EXOC6: variants seen among roughly 807,000 people sequenced by gnomAD.
EXOC6 encodes exocyst complex component 6, also known as SEC15-like 1.
In EXOC6, 60 loss-of-function variants were observed where a neutral mutation model predicts 112.5. The ratio of observed to expected loss-of-function variants is 0.53; its 90% CI spans 0.43 to 0.66. EXOC6 has a LOEUF of 0.66. Ranked by LOEUF, EXOC6 falls within the 30% of genes least tolerant of loss-of-function variation. The pLI is 0.00. For synonymous variants in EXOC6, 295 were observed against 308.0 expected (o/e 0.96, Z 0.44); for missense variants, 855 against 957.1 (o/e 0.89, Z 1.41).
At chr10:92,851,192 G>A (rs927262034) in intron 1 of EXOC6, among the ~76,000 whole-genome samples, 5 of 152,170 alleles carry the variant, frequency 3.3e-5, no homozygotes, top group African/African-American at 4.8e-5. Flanking sequence ...GAAAAGAGGA[G>A]CAAATGAAAT....
At chr10:92,940,641 C>T in intron 12 of EXOC6, 86 bp from the exon 13 acceptor site, 1 of 837,468 alleles carries the variant, frequency 1.2e-6, no homozygotes, top group Non-Finnish European at 1.9e-6. Context: ...GTGATTCCTT[C>T]CAAATGATTC....
At chr10:92,883,001 T>C (rs1243985282) in intron 1 of EXOC6, among the ~76,000 whole-genome samples, 1 of 152,228 alleles carries the variant, frequency 6.6e-6, no homozygotes, top group African/African-American at 2.4e-5. Flanking sequence ...CTGATAACTT[T>C]ATCTGGGCAA....
At position 92,914,085 on chromosome 10, in the gene EXOC6, A is replaced by G. The variant is rs183176080; in HGVS notation, c.664-1673A>G. Among the ~76,000 whole-genome samples, 19 of 152,288 alleles carry G rather than the reference A, an allele frequency of 1.2e-4. No individual in the cohort carries two copies. The East Asian group carries it at 3.7e-3, about 29-fold the overall frequency. On this transcript the variant is annotated intron_variant, in intron 6 of 21. Transcript: ENST00000260762. ...TGGTACCTGTCTGTGGCCTTTAGGA[A>G]CCAGGCCACACAGCAGGAGGTGAGT...
intron 1 of EXOC6, among the ~76,000 whole-genome samples, chr10:92,862,181 T>C (rs1446849967): frequency 6.6e-6 from 1 of 152,200 alleles, no homozygotes; most frequent in Admixed American, 6.5e-5. Flanking sequence ...GCAACCAGTT[T>C]TCTGCTTTCT....
At chr10:92,831,321 A>G (rs1297635347), upstream of EXOC6, 1 of 1,288,882 alleles carries the variant, frequency 7.8e-7, no homozygotes, top group Non-Finnish European at 1.0e-6. Context: ...AAGAGGATGA[A>G]TGTGCTGTGT....
chr10:93,035,545 A>G (rs1845476654), intron 20 of EXOC6, among the ~76,000 whole-genome samples: 1 of 152,198 alleles, frequency 6.6e-6, no homozygotes, highest in Non-Finnish European at 1.5e-5. Context: ...TTACATAGCT[A>G]TAGTATTTGT....
At chr10:93,012,190 T>G (rs1347574675) in intron 19 of EXOC6, among the ~76,000 whole-genome samples, 3 of 152,186 alleles carry the variant, frequency 2.0e-5, no homozygotes, top group Non-Finnish European at 4.4e-5. Context: ...GCTCTTACTT[T>G]AGACATAATT....
intron 20 of EXOC6, among the ~76,000 whole-genome samples, chr10:93,017,015 C>G (rs974836010): frequency 6.6e-6 from 1 of 151,816 alleles, no homozygotes; most frequent in Non-Finnish European, 1.5e-5. Context: ...GGGGTTTCGC[C>G]GGGTTGGCCA....
intron 20 of EXOC6, among the ~76,000 whole-genome samples, chr10:93,037,201 GGT>G (rs1257826719): frequency 6.7e-6 from 1 of 149,152 alleles, no homozygotes; most frequent in African/African-American, 2.5e-5. Flanking sequence ...GGAGTGCAGT[GGT>G]GTGATCATGG....
intron 12 of EXOC6, among the ~76,000 whole-genome samples, chr10:92,936,960 A>C (rs927786914): frequency 6.6e-6 from 1 of 152,214 alleles, no homozygotes; most frequent in African/African-American, 2.4e-5. Context: ...TGGGAGTAAT[A>C]TCATCCTATT....
At chr10:92,898,631 C>T (rs1849968809) in intron 4 of EXOC6, among the ~76,000 whole-genome samples, 2 of 152,030 alleles carry the variant, frequency 1.3e-5, no homozygotes, top group Admixed American at 1.3e-4. Flanking sequence ...TGTGTTCCCT[C>T]TAATGCTTTG....
At chr10:93,010,240 T>G (rs1290511397) in intron 19 of EXOC6, among the ~76,000 whole-genome samples, 1 of 152,192 alleles carries the variant, frequency 6.6e-6, no homozygotes, top group Non-Finnish European at 1.5e-5. Flanking sequence ...AGTGTTATAA[T>G]CTAGTGAATT....
At position 92,985,977 on chromosome 10, in the gene EXOC6, GTA is replaced by G. The variant is rs150716122; in HGVS notation, c.1954-11483_1954-11482del. ...TCAAATGAAAATATAACCATATATT[GTA>G]TATATATATATATCCTTAAAAATTG... On this transcript the variant is annotated intron_variant, in intron 18 of 21. Coordinates refer to ENST00000260762, the MANE Select transcript of EXOC6 (RefSeq NM_019053.6). Among the ~76,000 whole-genome samples the G allele has an allele frequency of 2.6e-3, 389 of 149,576 alleles. 2 individuals carry two copies. Among genetic ancestry groups the G allele is most frequent in the Middle Eastern group, 7.0e-3 (2 of 284 alleles).
intron 17 of EXOC6, among the ~76,000 whole-genome samples, chr10:92,960,774 A>G (rs911132632): frequency 2.0e-5 from 3 of 152,160 alleles, no homozygotes; most frequent in Admixed American, 2.0e-4. Flanking sequence ...ATGAAATCAT[A>G]CAGAGTGCAT....
At position 92,915,979 on chromosome 10, in the gene EXOC6, A is replaced by G. The variant is rs1851061096; in HGVS notation, c.819+66A>G. 45 of 1,144,384 alleles carry G rather than the reference A, an allele frequency of 3.9e-5. 1 individual carries two copies. In the South Asian group the frequency reaches 6.5e-4, roughly 16 times the overall value. 70.9% of individuals were successfully genotyped at this position (1,144,384 alleles called of 1,614,324 possible). ...TTTTTTCTTTTGGATTGTAATGTAC[A>G]TCTGTGTGATTTAGTCTTCCTGTAT... On this transcript the variant is annotated intron_variant, in intron 7 of 21. Transcript: ENST00000260762.
intron 13 of EXOC6, among the ~76,000 whole-genome samples, chr10:92,941,615 A>G (rs1389750315): frequency 1.3e-5 from 2 of 152,220 alleles, no homozygotes; most frequent in African/African-American, 2.4e-5. Flanking sequence ...TTATAAGACT[A>G]TAAGTATTCA....
chr10:92,827,085 A>G (rs1456136071), intron 1 of EXOC6, among the ~76,000 whole-genome samples: 2 of 152,208 alleles, frequency 1.3e-5, no homozygotes, highest in Non-Finnish European at 2.9e-5. Flanking sequence ...TGAATGAATG[A>G]ATAACAGTTT....
chr10:92,976,426 G>A (rs867905248), intron 18 of EXOC6, among the ~76,000 whole-genome samples: 1 of 151,906 alleles, frequency 6.6e-6, no homozygotes, highest in African/African-American at 2.4e-5. Flanking sequence ...GATTAAGGGC[G>A]GTGCAAGATG....
chr10:93,050,125 G>A (rs1456671250), intron 20 of EXOC6, among the ~76,000 whole-genome samples: 2 of 152,226 alleles, frequency 1.3e-5, no homozygotes, highest in South Asian at 2.1e-4. Flanking sequence ...GACAAAAATG[G>A]TAGGATAGCT....
Sources: gnomAD v4.1 joint callset for allele counts (sites outside exome capture counted in the v4.1 genomes callset) on GRCh38, gnomAD v4.1.1 for gene constraint, MANE v1.5 for transcripts, NCBI Gene and HGNC (gene_info 2026-07-23, HGNC 2026-07-21) for gene names.